The following FCAR variants were observed in gnomAD, a reference collection of about 807,000 sequenced individuals.
FCAR encodes the protein immunoglobulin alpha Fc receptor.
FCAR carries 21 observed loss-of-function variants against 27.1 expected under a neutral mutation model. The ratio of observed to expected loss-of-function variants is 0.77; its 90% CI spans 0.55 to 1.11. The LOEUF (loss-of-function observed/expected upper bound fraction) is 1.11, where lower values mean the gene tolerates loss of function less well. FCAR is among the 50% of genes most tolerant of loss of function. FCAR has a pLI of 0.00. For synonymous variants in FCAR, 134 were observed against 135.8 expected (o/e 0.99, Z 0.09); for missense variants, 404 against 358.4 (o/e 1.13, Z -1.03).
Position 54,874,585 on chromosome 19 carries a change from T to C in FCAR, c.34+262T>C, listed in dbSNP as rs184210430. Among the ~76,000 whole-genome samples, 5 of 152,186 alleles carry C rather than the reference T, an allele frequency of 3.3e-5. No individual in the cohort carries two copies. In the East Asian group the frequency reaches 9.7e-4, roughly 29 times the overall value. On this transcript the variant is annotated intron_variant, in intron 1 of 4. Transcript: ENST00000355524. ...ATTCATGATGGTCCCAAGGTTCTTA[T>C]CAAGGAGAGACTTAGAGGCTGGAAT...
intron 2 of FCAR, among the ~76,000 whole-genome samples, chr19:54,876,423 C>T (rs2066092557): frequency 6.6e-6 from 1 of 152,212 alleles, no homozygotes. Flanking sequence ...AAGGGGAATA[C>T]TTCCAGCTTT....
At chr19:54,885,114 T>G in intron 2 of FCAR, 121 bp from the exon 3 acceptor site, 2 of 910,656 alleles carry the variant, frequency 2.2e-6, no homozygotes, top group Non-Finnish European at 3.2e-6. Context: ...CCTAAATTTT[T>G]TTTTAAATAA....
At chr19:54,882,596 G>A (rs928806814) in intron 2 of FCAR, among the ~76,000 whole-genome samples, 3 of 151,702 alleles carry the variant, frequency 2.0e-5, no homozygotes, top group African/African-American at 7.3e-5. Context: ...GTGCCACCAC[G>A]CCCGGCTAAT....
At chr19:54,877,868 AT>A (rs972222474) in intron 2 of FCAR, among the ~76,000 whole-genome samples, 1 of 148,188 alleles carries the variant, frequency 6.7e-6, no homozygotes, top group Non-Finnish European at 1.5e-5. Context: ...ATTTATTCCT[AT>A]TTTTATTCCA....
At chr19:54,888,630 C>T in intron 4 of FCAR, 3 of 702,196 alleles carry the variant, frequency 4.3e-6, no homozygotes, top group Non-Finnish European at 5.5e-6. Flanking sequence ...TCACTGCAAC[C>T]TTCGCCTCCC....
chr19:54,889,934 G>A lies in FCAR; in HGVS notation c.*71G>A. On this transcript the variant is annotated 3_prime_UTR_variant, in exon 5 of 5. Transcript: ENST00000355524. ...ACAAAGCTACTTGAAGGACACAAGA[G>A]AGAAAAGCTCACTAAGAAGCTTGAA... 8.9e-7 allele frequency: 1 copy of A among 1,119,216 alleles called. No homozygotes were observed. The highest frequency in any genetic ancestry group is 1.3e-6 in the Non-Finnish European group (1 of 766,464). 69.3% of individuals were successfully genotyped at this position (1,119,216 alleles called of 1,614,324 possible). A position where few individuals can be genotyped will look rare whatever the true frequency, so the allele number is the denominator to read the frequency against.
intron 2 of FCAR, among the ~76,000 whole-genome samples, chr19:54,877,637 TG>T (rs2066169241): frequency 6.6e-6 from 1 of 152,188 alleles, no homozygotes; most frequent in African/African-American, 2.4e-5. Flanking sequence ...CTATGAGCTT[TG>T]GGGTTGATTT....
At position 54,885,755 on chromosome 19, in the gene FCAR, G is replaced by A. The variant is rs184006998; in HGVS notation, c.361+230G>A. ...GACACATTCCCAGCTACAGTCTACAGTTTATTTACATTTTCTTAGTTTTTA... is the reference window on the plus strand; with the variant it reads ...GACACATTCCCAGCTACAGTCTACAATTTATTTACATTTTCTTAGTTTTTA... On this transcript the variant is annotated intron_variant, in intron 3 of 4. Coordinates refer to ENST00000355524, the MANE Select transcript of FCAR (RefSeq NM_002000.4). Among the ~76,000 whole-genome samples the A allele has an allele frequency of 4.7e-4, 72 of 152,318 alleles. No homozygotes were observed. The East Asian group carries it at 9.8e-3, about 21-fold the overall frequency.
At chr19:54,877,061 T>C (rs913173186) in intron 2 of FCAR, among the ~76,000 whole-genome samples, 19 of 152,244 alleles carry the variant, frequency 1.2e-4, no homozygotes, top group Non-Finnish European at 8.8e-5. Context: ...TGAAGTTTTC[T>C]GGTTTTGTTG....
rs1201630458 is a variant in FCAR at position 54,882,423 on chromosome 19, C to CT, written c.71-2800dup. On this transcript the variant is annotated intron_variant, in intron 2 of 4. Transcript: ENST00000355524. ...AGTTGCCAGAGTTCTTGTGTTGATT[C>CT]TTTTTTTTTTTTCTTTTTTTTTTCT... Among the ~76,000 whole-genome samples the CT allele has an allele frequency of 7.1e-3, 496 of 69,528 alleles. 1 individual carries two copies. The highest frequency in any genetic ancestry group is 0.048 in the Middle Eastern group (7 of 146). The allele number at this position is 69,528 out of a possible 152,430, so 45.6% of individuals were successfully genotyped here. A position where few individuals can be genotyped will look rare whatever the true frequency, so the allele number is the denominator to read the frequency against.
At chr19:54,881,848 T>C (rs973200270) in intron 2 of FCAR, among the ~76,000 whole-genome samples, 5 of 148,614 alleles carry the variant, frequency 3.4e-5, no homozygotes, top group African/African-American at 1.2e-4. Context: ...GCCACTGCAC[T>C]GCAGCGTGGG....
chr19:54,887,244 A>G (rs1470527009), intron 3 of FCAR, among the ~76,000 whole-genome samples: 3 of 152,176 alleles, frequency 2.0e-5, no homozygotes, highest in East Asian at 3.9e-4. Context: ...TGGGAGGTCG[A>G]GGCTGCAGTG....
intron 1 of FCAR, 143 bp downstream of exon 1, chr19:54,874,466 A>C: frequency 2.0e-5 from 16 of 781,020 alleles, no homozygotes; most frequent in Non-Finnish European, 2.1e-5. Flanking sequence ...CGTCTTTGTC[A>C]ATGTATCTAT....
chr19:54,885,849 C>T (rs987979855), intron 3 of FCAR, among the ~76,000 whole-genome samples: 29 of 152,212 alleles, frequency 1.9e-4, no homozygotes, highest in Non-Finnish European at 3.7e-4. Context: ...TGGTGGCTCA[C>T]GCCTGTAATC....
At chr19:54,876,691 T>G (rs1423414914) in intron 2 of FCAR, among the ~76,000 whole-genome samples, 1 of 142,062 alleles carries the variant, frequency 7.0e-6, no homozygotes, top group African/African-American at 2.7e-5. Context: ...AAGCCAAGGC[T>G]TGTGGATCAT....
chr19:54,884,235 G>A lies in FCAR; in HGVS notation c.71-1000G>A, dbSNP rs76011450. 5.1e-3 allele frequency among the ~76,000 whole-genome samples: 784 copies of A among 152,298 alleles called. 8 individuals are homozygous for A. Among genetic ancestry groups the A allele is most frequent in the African/African-American group, 0.018 (752 of 41,558 alleles). ...GGTGGAGCCATCTCACTGCTCCCAC[G>A]CACCATGCCCGTGGCCTCTGCGGGG... On this transcript the variant is annotated intron_variant, in intron 2 of 4. Coordinates refer to ENST00000355524, the MANE Select transcript of FCAR (RefSeq NM_002000.4).
chr19:54,889,964 C>CTTTT lies in FCAR; in HGVS notation c.*112_*115dup. ...AAGCTCACTAAGAAGCTTGAATCTA[C>CTTTT]TTTTTTTTTTTTTTGAGACAGAGTC... On this transcript the variant is annotated 3_prime_UTR_variant, in exon 5 of 5. Coordinates refer to ENST00000355524, the MANE Select transcript of FCAR (RefSeq NM_002000.4). 3 of 699,876 alleles carry CTTTT rather than the reference C, an allele frequency of 4.3e-6. No individual in the cohort carries two copies. The highest frequency in any genetic ancestry group is 6.9e-6 in the Non-Finnish European group (3 of 432,510). 43.4% of individuals were successfully genotyped at this position (699,876 alleles called of 1,614,324 possible).
intron 3 of FCAR, among the ~76,000 whole-genome samples, chr19:54,886,310 T>A (rs1353614283): frequency 1.2e-4 from 16 of 137,462 alleles, no homozygotes; most frequent in Non-Finnish European, 2.2e-4. Flanking sequence ...TATTTTTTTT[T>A]TTTTTTTTTT....
At chr19:54,878,868 G>A in intron 2 of FCAR, among the ~76,000 whole-genome samples, 1 of 128,782 alleles carries the variant, frequency 7.8e-6, no homozygotes, top group South Asian at 2.5e-4. Flanking sequence ...ATAATGTTGA[G>A]TCTTGCTTTT....
Sources: allele counts gnomAD v4.1 joint callset (sites outside exome capture counted in the v4.1 genomes callset), GRCh38; gene constraint gnomAD v4.1.1; transcripts MANE v1.5; gene names NCBI Gene and HGNC (gene_info 2026-07-23, HGNC 2026-07-21).